BORA: variants seen among roughly 807,000 people sequenced by gnomAD.
BORA encodes the protein BORA aurora kinase A activator.
A neutral mutation model predicts 55.8 loss-of-function variants in BORA; 26 were observed. That is an observed-to-expected ratio of 0.47 (90% CI 0.34 to 0.65). The LOEUF (loss-of-function observed/expected upper bound fraction) is 0.65. Ranked by LOEUF, BORA falls within the 30% of genes least tolerant of loss-of-function variation. The pLI, the probability that BORA is intolerant of heterozygous loss-of-function variation, is 0.01. For missense variants in BORA, 568 were observed against 671.5 expected, an observed-to-expected ratio of 0.85 and a Z score of 1.70; for synonymous variants, 201 against 216.9, an observed-to-expected ratio of 0.93 and a Z score of 0.64.
chr13:72,729,197 T>C, intron 2 of BORA, 104 bp downstream of exon 2: 3 of 978,210 alleles, frequency 3.1e-6, no homozygotes, highest in Non-Finnish European at 4.4e-6. Context: ...AGGAAATACA[T>C]TATGGAGCAT....
chr13:72,751,734 G>T (rs2033280136), intron 10 of BORA, among the ~76,000 whole-genome samples: 1 of 152,190 alleles, frequency 6.6e-6, no homozygotes, highest in East Asian at 1.9e-4. Context: ...TTGAAGAGCA[G>T]ATTTTGAAAG....
chr13:72,736,861 T>C (rs2032938361), intron 4 of BORA, among the ~76,000 whole-genome samples: 1 of 101,642 alleles, frequency 9.8e-6, no homozygotes, highest in Non-Finnish European at 2.3e-5. Context: ...CCTATTACTT[T>C]AAAAATGACT....
chr13:72,745,399 CTG>C (rs2033120567), intron 8 of BORA, among the ~76,000 whole-genome samples, 192 bp downstream of exon 8: 1 of 152,198 alleles, frequency 6.6e-6, no homozygotes, highest in South Asian at 2.1e-4. Context: ...GAACTCATGA[CTG>C]TATTCTCTCC....
chr13:72,745,808 C>G (rs1413933583), intron 8 of BORA, 136 bp from the exon 9 acceptor site: 1 of 601,370 alleles, frequency 1.7e-6, no homozygotes, highest in African/African-American at 1.9e-5. Flanking sequence ...GTCTTTGTTG[C>G]AAGGTGTCTT....
chr13:72,746,522 A>G lies in BORA; in HGVS notation c.893A>G (p.His298Arg), dbSNP rs761106449. The change falls in exon 10 of 12, where the codon CAT (histidine) becomes CGT (arginine). Residue 298 changes from histidine (H) to arginine (R), a missense_variant. By Grantham distance (29) the His-to-Arg change is conservative. Coordinates refer to ENST00000390667, the MANE Select transcript of BORA (RefSeq NM_024808.5). The stretch of plus-strand genomic sequence containing the variant: ...TCAGAACAAAGGAAGTTTACTGTTC[A>G]TTCTCCTGATGCTTCATCTGGAACA... Reference protein sequence around the residue: ...PLSEQRKFTVHSPDASSGTNS... With the variant: ...PLSEQRKFTVRSPDASSGTNS... The G allele has an allele frequency of 1.3e-5, 21 of 1,611,864 alleles. No individual in the cohort carries two copies. Among genetic ancestry groups the G allele is most frequent in the Non-Finnish European group, 1.8e-5 (21 of 1,178,464 alleles).
intron 4 of BORA, among the ~76,000 whole-genome samples, chr13:72,736,867 T>C (rs2032938431): frequency 1.4e-5 from 1 of 73,906 alleles, no homozygotes; most frequent in African/African-American, 3.0e-5. Flanking sequence ...ACTTTAAAAA[T>C]GACTTTTTTT....
At chr13:72,747,197 G>A in intron 10 of BORA, 86 bp downstream of exon 10, 1 of 1,414,978 alleles carries the variant, frequency 7.1e-7, no homozygotes, top group African/African-American at 1.4e-5. Flanking sequence ...GAAAGATAAT[G>A]GATTAAACAT....
At chr13:72,735,309 T>C (rs992883370) in intron 4 of BORA, among the ~76,000 whole-genome samples, 2 of 152,202 alleles carry the variant, frequency 1.3e-5, no homozygotes. Flanking sequence ...CCTAGCACAA[T>C]TTGTCTTCCT....
chr13:72,738,561 G>A (rs2032978539), intron 5 of BORA, among the ~76,000 whole-genome samples: 1 of 152,082 alleles, frequency 6.6e-6, no homozygotes, highest in African/African-American at 2.4e-5. Flanking sequence ...CTACCTCCAG[G>A]CAATGGTTGT....
chr13:72,745,870 T>C, intron 8 of BORA, 74 bp from the exon 9 acceptor site: 3 of 1,339,216 alleles, frequency 2.2e-6, no homozygotes, highest in Non-Finnish European at 3.0e-6. Context: ...TTGAAGACCA[T>C]GATAAATAGC....
chr13:72,748,418 T>C (rs1288167920), intron 10 of BORA, among the ~76,000 whole-genome samples: 1 of 152,194 alleles, frequency 6.6e-6, no homozygotes, highest in African/African-American at 2.4e-5. Flanking sequence ...ACCACTTTAT[T>C]AATTCATTTA....
chr13:72,753,906 A>G lies in BORA; in HGVS notation c.1614+85A>G. On this transcript the variant is annotated intron_variant, in intron 11 of 11. Transcript: ENST00000390667. ...TGATTATTAGACAATAGTACTATTG[A>G]GAAACTATATGAAATTTAAAACACT... The G allele has an allele frequency of 9.4e-6, 12 of 1,282,550 alleles. No individual in the cohort carries two copies. In the South Asian group the frequency reaches 1.1e-4, roughly 11 times the overall value. The allele number at this position is 1,282,550 out of a possible 1,614,324, so 79.4% of individuals were successfully genotyped here.
intron 10 of BORA, among the ~76,000 whole-genome samples, chr13:72,751,356 C>A (rs942753260): frequency 5.9e-5 from 9 of 152,082 alleles, no homozygotes; most frequent in Non-Finnish European, 1.3e-4. Flanking sequence ...CCCTAAGTGT[C>A]CACTAATAGA....
chr13:72,729,832 A>G (rs1403161234), intron 2 of BORA, among the ~76,000 whole-genome samples: 1 of 152,240 alleles, frequency 6.6e-6, no homozygotes, highest in African/African-American at 2.4e-5. Context: ...CCCTATTTTA[A>G]TGTGTTAAAC....
At position 72,745,941 on chromosome 13, in the gene BORA, C is replaced by T. The variant is rs781266954; in HGVS notation, c.739-3C>T. The T allele has an allele frequency of 3.7e-6, 6 of 1,601,314 alleles. No homozygotes were observed. Among genetic ancestry groups the T allele is most frequent in the Middle Eastern group, 1.7e-4 (1 of 6,002 alleles). On this transcript the variant is annotated splice_polypyrimidine_tract_variant and splice_region_variant and intron_variant, in intron 8 of 11. Coordinates refer to ENST00000390667, the MANE Select transcript of BORA (RefSeq NM_024808.5). ...ATTTATTTACTATTTAATTTTATTA[C>T]AGGGGCAGTTTTCTTCTAGCCCTAT...
At position 72,755,634 on chromosome 13, in the gene BORA, TTA is replaced by T. The variant is rs2033441441; in HGVS notation, c.*421_*422del. ...ATAAAAGCTTGAACATACAGATGAATTATAACCTATGTGAAGAAATCTTAGAT... is the reference window on the plus strand; with the variant it reads ...ATAAAAGCTTGAACATACAGATGAATTAACCTATGTGAAGAAATCTTAGAT... On this transcript the variant is annotated 3_prime_UTR_variant, in exon 12 of 12. Transcript: ENST00000390667. 2 of 371,076 alleles carry T rather than the reference TTA, an allele frequency of 5.4e-6. No individual in the cohort carries two copies. Among genetic ancestry groups the T allele is most frequent in the African/African-American group, 4.2e-5 (2 of 48,096 alleles). 23.0% of individuals were successfully genotyped at this position (371,076 alleles called of 1,614,324 possible).
intron 2 of BORA, 112 bp downstream of exon 2, chr13:72,729,205 C>A: frequency 1.2e-6 from 1 of 864,796 alleles, no homozygotes; most frequent in Non-Finnish European, 1.7e-6. Flanking sequence ...CATTATGGAG[C>A]ATATATAGCT....
chr13:72,740,189 A>G (rs1028380962), intron 5 of BORA, among the ~76,000 whole-genome samples: 2 of 152,190 alleles, frequency 1.3e-5, no homozygotes, highest in African/African-American at 4.8e-5. Context: ...TGTATGCAGA[A>G]TTATAAGAAT....
At chr13:72,741,563 C>T (rs2033034102) in intron 5 of BORA, among the ~76,000 whole-genome samples, 1 of 151,888 alleles carries the variant, frequency 6.6e-6, no homozygotes, top group African/African-American at 2.4e-5. Context: ...GTATGTTACT[C>T]TTTGTTCTTG....
Sources: allele counts gnomAD v4.1 joint callset (sites outside exome capture counted in the v4.1 genomes callset), GRCh38; gene constraint gnomAD v4.1.1; transcripts MANE v1.5; gene names NCBI Gene and HGNC (gene_info 2026-07-23, HGNC 2026-07-21).